TXNRD3: variants seen among roughly 807,000 people sequenced by gnomAD.
The protein encoded by TXNRD3 is TXNRD3 neighbor gene protein.
A neutral mutation model predicts 78.2 loss-of-function variants in TXNRD3; 68 were observed. The ratio of observed to expected loss-of-function variants is 0.87; its 90% CI spans 0.72 to 1.06. The LOEUF is 1.06. TXNRD3 is among the 50% of genes least tolerant of loss of function. The pLI is 0.00. For synonymous variants in TXNRD3, 296 were observed against 300.1 expected, an observed-to-expected ratio of 0.99 and a Z score of 0.14; for missense variants, 751 against 809.5, an observed-to-expected ratio of 0.93 and a Z score of 0.88.
Position 126,608,569 on chromosome 3 carries a change from G to A in TXNRD3, c.1793C>T (p.Ala598Val). The change falls in exon 15 of 16, where the codon GCT (alanine) becomes GTT (valine). Residue 598 changes from alanine to valine, a missense_variant. By Grantham distance (64) the Ala-to-Val change is moderately conservative. Coordinates refer to ENST00000524230, the MANE Select transcript of TXNRD3 (RefSeq NM_052883.3). ...TTTTGTGAGCCCACATTTCATTGCAGCTGCAAATCCTTGGGTAACCTCACC... is the reference window on the plus strand; with the variant it reads ...TTTTGTGAGCCCACATTTCATTGCAACTGCAAATCCTTGGGTAACCTCACC... The A allele has an allele frequency of 6.5e-7, 1 of 1,535,962 alleles. No homozygotes were observed. Among genetic ancestry groups the A allele is most frequent in the African/African-American group, 1.4e-5 (1 of 73,120 alleles).
intron 14 of TXNRD3, among the ~76,000 whole-genome samples, chr3:126,610,817 T>C (rs1157591371): frequency 3.9e-5 from 6 of 152,128 alleles, no homozygotes; most frequent in African/African-American, 1.2e-4. Context: ...GTGCTCTGCA[T>C]TGTCCTGAAA....
chr3:126,651,652 T>C (rs1014860197), intron 1 of TXNRD3, among the ~76,000 whole-genome samples: 1 of 152,072 alleles, frequency 6.6e-6, no homozygotes, highest in Non-Finnish European at 1.5e-5. Context: ...GAAATATAGA[T>C]AGAAAACAGA....
intron 13 of TXNRD3, among the ~76,000 whole-genome samples, chr3:126,613,939 G>A (rs1275282730): frequency 1.3e-5 from 2 of 152,226 alleles, no homozygotes; most frequent in African/African-American, 4.8e-5. Context: ...GAGGTATCCA[G>A]AAGAAGGCAT....
At chr3:126,632,198 T>C (rs912529397) in intron 7 of TXNRD3, among the ~76,000 whole-genome samples, 2 of 151,992 alleles carry the variant, frequency 1.3e-5, no homozygotes, top group African/African-American at 2.4e-5. Context: ...GACAGAACAA[T>C]GCGCACAAAA....
intron 11 of TXNRD3, among the ~76,000 whole-genome samples, chr3:126,622,132 T>C (rs765318133): frequency 1.3e-5 from 2 of 152,222 alleles, no homozygotes; most frequent in African/African-American, 4.8e-5. Flanking sequence ...AGGATATCTA[T>C]AGACTGCCTC....
chr3:126,646,043 C>T, intron 3 of TXNRD3, 68 bp downstream of exon 3: 1 of 1,252,282 alleles, frequency 8.0e-7, no homozygotes, highest in South Asian at 1.7e-5. Context: ...AAACCATTTT[C>T]TCCTCTTTTA....
chr3:126,621,678 T>G, intron 12 of TXNRD3, 64 bp downstream of exon 12: 1 of 1,377,262 alleles, frequency 7.3e-7, no homozygotes, highest in East Asian at 2.6e-5. Flanking sequence ...AAGTTTTACT[T>G]GTATTAGTTT....
In TXNRD3 at chr3:126,630,761, T is replaced by G. The variant is rs1371058731; in HGVS notation, c.1148A>C (p.Tyr383Ser). 4.6e-6 allele frequency: 7 copies of G among 1,534,550 alleles called. No homozygotes were observed. The East Asian group carries it at 1.7e-4, about 38-fold the overall frequency. ...GAACTTCACACCATGCTGCTCCATG[T>G]AGGAACCCACTTTTTCTGCCATTTC... The change falls in exon 9 of 16, where the codon TAC becomes TCC. Residue 383 changes from tyrosine (Y) to serine (S), a missense_variant. Physicochemically the swap from Tyr to Ser is moderately radical, Grantham distance 144 (BLOSUM62 -2). Coordinates refer to ENST00000524230, the MANE Select transcript of TXNRD3 (RefSeq NM_052883.3).
chr3:126,631,699 C>T (rs1938718289), intron 8 of TXNRD3, 65 bp downstream of exon 8: 1 of 1,026,486 alleles, frequency 9.7e-7, no homozygotes, highest in African/African-American at 1.6e-5. Flanking sequence ...AGGAAGTAAA[C>T]TGGAAACATG....
At chr3:126,634,088 A>C in intron 6 of TXNRD3, 37 bp from the exon 7 acceptor site, 2 of 1,434,340 alleles carry the variant, frequency 1.4e-6, no homozygotes, top group East Asian at 2.5e-5. Context: ...TGTTAGGTGA[A>C]TTTTACCTTT....
chr3:126,622,387 A>G, intron 11 of TXNRD3, 77 bp downstream of exon 11: 1 of 973,048 alleles, frequency 1.0e-6, no homozygotes, highest in Admixed American at 3.1e-5. Context: ...CAGTAATTAA[A>G]TGAGAATTTC....
In TXNRD3 at chr3:126,607,585, G is replaced by A; in HGVS notation, c.*320C>T. 1 of 241,618 alleles carries A rather than the reference G, an allele frequency of 4.1e-6. No homozygotes were observed. The allele number at this position is 241,618 out of a possible 1,614,324, so 15.0% of individuals were successfully genotyped here. On this transcript the variant is annotated 3_prime_UTR_variant, in exon 16 of 16. Coordinates refer to ENST00000524230, the MANE Select transcript of TXNRD3 (RefSeq NM_052883.3). ...ACCAGAAAAGCTAACTTAGGTGAAT[G>A]GTGCCACTCAAAGGTCTTTCCGAGG...
intron 12 of TXNRD3, among the ~76,000 whole-genome samples, chr3:126,620,790 C>T (rs1477163455): frequency 4.6e-5 from 7 of 152,184 alleles, no homozygotes; most frequent in African/African-American, 1.7e-4. Flanking sequence ...AGCCTCCTTC[C>T]CAATTGTACT....
chr3:126,623,851 C>CAAAAAAAAAAAA (rs758992893), intron 10 of TXNRD3, among the ~76,000 whole-genome samples: 15 of 89,756 alleles, frequency 1.7e-4, no homozygotes, highest in South Asian at 4.4e-4. Flanking sequence ...TGAAACAAGG[C>CAAAAAAAAAAAA]CAAAAAAAAA....
rs748153691 is a variant in TXNRD3 at position 126,621,795 on chromosome 3, TG to T, written c.1470del (p.Ile491TyrfsTer7). On this transcript the variant is annotated frameshift_variant, in exon 12 of 16. Coordinates refer to ENST00000524230, the MANE Select transcript of TXNRD3 (RefSeq NM_052883.3). LOFTEE classifies it high-confidence loss of function. ...TGAGCTAGCAGCTTGCCTGACTGTA[TG>T]GCGACAGGAGTGAGCTCTGGCTTAT... 1.3e-6 allele frequency: 2 copies of T among 1,534,348 alleles called. No homozygotes were observed. Among genetic ancestry groups the T allele is most frequent in the Non-Finnish European group, 1.7e-6 (2 of 1,146,420 alleles).
Position 126,621,811 on chromosome 3 carries a change from C to T in TXNRD3, c.1455G>A (p.Glu485=). The change falls in exon 12 of 16, where the codon GAG becomes GAA. Residue 485 remains glutamate, a synonymous_variant. Coordinates refer to ENST00000524230, the MANE Select transcript of TXNRD3 (RefSeq NM_052883.3). Reference sequence around the variant, plus strand: ...CTGACTGTATGGCGACAGGAGTGAGCTCTGGCTTATCCTCCAAAATATCAC... The same window carrying T: ...CTGACTGTATGGCGACAGGAGTGAGTTCTGGCTTATCCTCCAAAATATCAC... 6.5e-7 allele frequency: 1 copy of T among 1,535,824 alleles called. No individual in the cohort carries two copies. Among genetic ancestry groups the T allele is most frequent in the Non-Finnish European group, 8.7e-7 (1 of 1,146,812 alleles).
chr3:126,654,227 A>C (rs1369289905), intron 1 of TXNRD3, among the ~76,000 whole-genome samples: 2 of 152,156 alleles, frequency 1.3e-5, no homozygotes, highest in Non-Finnish European at 2.9e-5. Context: ...AACTCAACCC[A>C]ATAGTTTATG....
At chr3:126,640,103 T>TCC (rs1157733574) in intron 6 of TXNRD3, among the ~76,000 whole-genome samples, 3 of 17,890 alleles carry the variant, frequency 1.7e-4, no homozygotes, top group Non-Finnish European at 2.4e-4. Context: ...TCTTTTTTTT[T>TCC]TTTTTTTTTT....
intron 14 of TXNRD3, among the ~76,000 whole-genome samples, chr3:126,609,516 A>G (rs1938144157): frequency 6.6e-6 from 1 of 152,188 alleles, no homozygotes; most frequent in Non-Finnish European, 1.5e-5. Context: ...AGGGGTGTAA[A>G]TGAAGGTCCT....
Sources: allele counts gnomAD v4.1 joint callset (sites outside exome capture counted in the v4.1 genomes callset), GRCh38; gene constraint gnomAD v4.1.1; transcripts MANE v1.5; gene names NCBI Gene and HGNC (gene_info 2026-07-23, HGNC 2026-07-21).